Variants in ADCY2 observed in about 807,000 individuals in gnomAD.
ADCY2 encodes adenylate cyclase type 2.
In ADCY2, 31 loss-of-function variants were observed where a neutral mutation model predicts 125.2. That is an observed-to-expected ratio of 0.25 (90% CI 0.19 to 0.33). The LOEUF (loss-of-function observed/expected upper bound fraction) is 0.33. Ranked by LOEUF, ADCY2 falls within the 10% of genes least tolerant of loss-of-function variation. The pLI is 1.00. For synonymous variants in ADCY2, 512 were observed against 548.4 expected (o/e 0.93, Z 0.93); for missense variants, 904 against 1,418.2 (o/e 0.64, Z 5.82).
At chr5:7,400,898 G>C (rs1205103868) in intron 1 of ADCY2, among the ~76,000 whole-genome samples, 1 of 152,190 alleles carries the variant, frequency 6.6e-6, no homozygotes, top group Non-Finnish European at 1.5e-5. Flanking sequence ...GCAATTTAGA[G>C]GCCTAGCTAG....
chr5:7,773,125 C>T, intron 18 of ADCY2, 24 bp downstream of exon 18: 2 of 1,610,470 alleles, frequency 1.2e-6, no homozygotes, highest in Non-Finnish European at 1.7e-6. Context: ...TCTTCCTTCT[C>T]TTACTATAGT....
At chr5:7,800,327 T>A (rs544380598) in intron 20 of ADCY2, 1 of 152,292 alleles carries the variant, frequency 6.6e-6, no homozygotes, top group South Asian at 2.1e-4. Context: ...CAAAGAGCAC[T>A]CTGGACAGTG....
intron 21 of ADCY2, among the ~76,000 whole-genome samples, chr5:7,803,118 C>A (rs1744649887): frequency 6.6e-6 from 1 of 152,168 alleles, no homozygotes; most frequent in Non-Finnish European, 1.5e-5. Context: ...CTTTCTGTCA[C>A]CACCATCATC....
At chr5:7,705,183 A>T (rs572891204) in intron 7 of ADCY2, among the ~76,000 whole-genome samples, 15 of 152,342 alleles carry the variant, frequency 9.8e-5, no homozygotes, top group African/African-American at 3.6e-4. Flanking sequence ...CATTGCTCAA[A>T]GACAGAAGCA....
intron 4 of ADCY2, among the ~76,000 whole-genome samples, chr5:7,666,221 A>G (rs1259260936): frequency 6.6e-6 from 1 of 152,006 alleles, no homozygotes; most frequent in Non-Finnish European, 1.5e-5. Context: ...TATACCACCG[A>G]CATGTTAAAG....
intron 3 of ADCY2, among the ~76,000 whole-genome samples, chr5:7,619,205 C>T (rs972820789): frequency 1.3e-5 from 2 of 152,182 alleles, no homozygotes; most frequent in Non-Finnish European, 1.5e-5. Context: ...ATGCAATTAT[C>T]CAAACATCAG....
intron 4 of ADCY2, among the ~76,000 whole-genome samples, chr5:7,627,806 T>C (rs1738184215): frequency 6.6e-6 from 1 of 152,232 alleles, no homozygotes; most frequent in Non-Finnish European, 1.5e-5. Context: ...AACAAATATT[T>C]AGTGAACACC....
chr5:7,458,451 G>C (rs970561111), intron 2 of ADCY2, among the ~76,000 whole-genome samples: 3 of 152,106 alleles, frequency 2.0e-5, no homozygotes, highest in Non-Finnish European at 4.4e-5. Context: ...ATTTAACTAA[G>C]ATATAATTTA....
chr5:7,652,079 G>A (rs927467632), intron 4 of ADCY2, among the ~76,000 whole-genome samples: 2 of 152,172 alleles, frequency 1.3e-5, no homozygotes, highest in Non-Finnish European at 2.9e-5. Context: ...TGGGATTACA[G>A]GCGTGAGCCC....
chr5:7,792,177 G>C (rs183469888), intron 20 of ADCY2, among the ~76,000 whole-genome samples: 1 of 139,862 alleles, frequency 7.1e-6, no homozygotes. Flanking sequence ...TTCAAGACCA[G>C]CCTGGCCAAC....
chr5:7,659,947 C>T (rs1053156860), intron 4 of ADCY2, among the ~76,000 whole-genome samples: 3 of 152,038 alleles, frequency 2.0e-5, no homozygotes, highest in African/African-American at 7.2e-5. Flanking sequence ...ACACCAAGTA[C>T]AATATATTCT....
At chr5:7,718,165 T>C (rs1191300871) in intron 12 of ADCY2, among the ~76,000 whole-genome samples, 1 of 150,046 alleles carries the variant, frequency 6.7e-6, no homozygotes, top group Non-Finnish European at 1.5e-5. Context: ...TTTTTTTTTT[T>C]TGAGACAGAG....
In ADCY2 at chr5:7,412,403, T is replaced by C. The variant is rs73737369; in HGVS notation, c.211-2170T>C. Among the ~76,000 whole-genome samples the C allele has an allele frequency of 1.2e-3, 179 of 152,248 alleles. 2 individuals are homozygous for C. The highest frequency in any genetic ancestry group is 6.8e-3 in the Middle Eastern group (2 of 294). On this transcript the variant is annotated intron_variant, in intron 1 of 24. Transcript: ENST00000338316. ...TTTGGGGAGGTTTAAGTTAAATCAGTTTTCATGGCACCATGTGTGCAGTGG... is the reference window on the plus strand; with the variant it reads ...TTTGGGGAGGTTTAAGTTAAATCAGCTTTCATGGCACCATGTGTGCAGTGG...
chr5:7,816,627 G>A (rs573556770), intron 22 of ADCY2, among the ~76,000 whole-genome samples: 1 of 152,356 alleles, frequency 6.6e-6, no homozygotes, highest in African/African-American at 2.4e-5. Flanking sequence ...CGCATGATGC[G>A]TTTGGCCTGA....
At chr5:7,511,255 T>G (rs565051495) in intron 2 of ADCY2, among the ~76,000 whole-genome samples, 1 of 152,140 alleles carries the variant, frequency 6.6e-6, no homozygotes, top group South Asian at 2.1e-4. Context: ...AATGTAAAAA[T>G]AAACATTCTA....
chr5:7,807,858 A>G lies in ADCY2; in HGVS notation c.2883+3166A>G, dbSNP rs576355481. Among the ~76,000 whole-genome samples the G allele has an allele frequency of 9.9e-5, 15 of 152,192 alleles. No individual in the cohort carries two copies. In the South Asian group the frequency reaches 2.7e-3, roughly 27 times the overall value. ...TCTCTACACCAGCCCTCAAACATGC[A>G]TGTGCTTTTGTGCAGACCAACCTGG... On this transcript the variant is annotated intron_variant, in intron 22 of 24. Coordinates refer to ENST00000338316, the MANE Select transcript of ADCY2 (RefSeq NM_020546.3).
At chr5:7,591,158 G>A (rs139808273) in intron 3 of ADCY2, among the ~76,000 whole-genome samples, 11 of 152,268 alleles carry the variant, frequency 7.2e-5, no homozygotes, top group Admixed American at 1.3e-4. Flanking sequence ...TATCTAAAGC[G>A]TGCAGTTTAC....
chr5:7,493,102 A>G (rs1251353953), intron 2 of ADCY2, among the ~76,000 whole-genome samples: 2 of 152,196 alleles, frequency 1.3e-5, no homozygotes, highest in African/African-American at 4.8e-5. Flanking sequence ...ATTGCAAACC[A>G]TTGATGTAAG....
At chr5:7,421,747 G>A (rs927912634) in intron 2 of ADCY2, among the ~76,000 whole-genome samples, 3 of 152,186 alleles carry the variant, frequency 2.0e-5, no homozygotes, top group African/African-American at 7.2e-5. Context: ...AATTGCTCTT[G>A]ATGTTGACTT....
Sources: gnomAD v4.1 joint callset for allele counts (sites outside exome capture counted in the v4.1 genomes callset) on GRCh38, gnomAD v4.1.1 for gene constraint, MANE v1.5 for transcripts, NCBI Gene and HGNC (gene_info 2026-07-23, HGNC 2026-07-21) for gene names.